IL1RAPL2: variants seen among roughly 807,000 people sequenced by gnomAD.
IL1RAPL2 encodes the protein X-linked interleukin-1 receptor accessory protein-like 2.
IL1RAPL2 carries 3 observed loss-of-function variants against 44.1 expected under a neutral mutation model. The ratio of observed to expected loss-of-function variants is 0.07; its 90% confidence interval spans 0.03 to 0.18. The LOEUF is 0.18. Ranked by LOEUF, IL1RAPL2 falls within the 10% of genes least tolerant of loss-of-function variation. The probability of loss-of-function intolerance (pLI) is 1.00; values close to 1 mark genes in which losing one functional copy is unlikely to be tolerated. For missense variants in IL1RAPL2, 391 were observed against 496.4 expected, an observed-to-expected ratio of 0.79 and a Z score of 2.02; for synonymous variants, 181 against 178.8, an observed-to-expected ratio of 1.01 and a Z score of -0.10.
chrX:105,343,093 G>A (rs1357239255), intron 5 of IL1RAPL2, among the ~76,000 whole-genome samples: 1 of 111,256 alleles, frequency 9.0e-6, no homozygotes, highest in Non-Finnish European at 1.9e-5. Context: ...TCTACACAAG[G>A]TTGGTCAGGT....
At chrX:105,347,623 G>C (rs149689484) in intron 5 of IL1RAPL2, among the ~76,000 whole-genome samples, 1,372 of 109,064 alleles carry the variant, frequency 0.013, 6 homozygotes, top group Non-Finnish European at 0.02. Context: ...ACCTATAGAG[G>C]CTACCTGGGC....
intron 6 of IL1RAPL2, among the ~76,000 whole-genome samples, chrX:105,597,762 G>C (rs939773147): frequency 3.6e-5 from 4 of 111,927 alleles, no homozygotes; most frequent in African/African-American, 9.7e-5. Flanking sequence ...TGAGGACACA[G>C]ATCCAAACCA....
intron 5 of IL1RAPL2, among the ~76,000 whole-genome samples, chrX:105,342,948 C>T (rs2035082677): frequency 9.0e-6 from 1 of 110,999 alleles, no homozygotes; most frequent in African/African-American, 3.3e-5. Context: ...TTTCCAAGGT[C>T]TCATATATCA....
chrX:105,072,175 A>G (rs1240099039), intron 2 of IL1RAPL2, among the ~76,000 whole-genome samples: 3 of 111,335 alleles, frequency 2.7e-5, no homozygotes, highest in Non-Finnish European at 5.7e-5. Context: ...TATAAGTGAC[A>G]GTTCCTCCTA....
At chrX:105,491,195 TTTTTTATTTTTTTA>T (rs2147778767) in intron 6 of IL1RAPL2, among the ~76,000 whole-genome samples, 1 of 111,453 alleles carries the variant, frequency 9.0e-6, no homozygotes, top group South Asian at 3.7e-4. Flanking sequence ...AATTATTGTA[TTTTTTATTTTTTTA>T]TTTTTATTTT....
chrX:105,540,868 T>A (rs757100241), intron 6 of IL1RAPL2, among the ~76,000 whole-genome samples: 20 of 55,106 alleles, frequency 3.6e-4, no homozygotes, highest in African/African-American at 9.6e-4. Flanking sequence ...ATATGATATA[T>A]AATACATACA....
chrX:104,822,170 T>G (rs1395417899), intron 2 of IL1RAPL2, among the ~76,000 whole-genome samples: 1 of 111,772 alleles, frequency 8.9e-6, no homozygotes, highest in Non-Finnish European at 1.9e-5. Context: ...ATGGATAGAT[T>G]GTAAAAATTT....
intron 5 of IL1RAPL2, among the ~76,000 whole-genome samples, chrX:105,319,166 C>T (rs2034877680): frequency 9.0e-6 from 1 of 111,663 alleles, no homozygotes; most frequent in African/African-American, 3.3e-5. Context: ...TCTGTGTTGG[C>T]TATGTTTAGA....
chrX:105,728,762 G>A (rs1307000252), intron 7 of IL1RAPL2, among the ~76,000 whole-genome samples: 1 of 110,955 alleles, frequency 9.0e-6, no homozygotes, highest in Non-Finnish European at 1.9e-5. Context: ...CATTCTTTGT[G>A]TTATACAGTT....
Position 105,748,990 on chromosome X carries a change from G to A in IL1RAPL2, c.1079G>A (p.Gly360Asp). ...ATCTATAAAATTGAGCTTGCAGGGG[G>A]CCTGGGAGCAATCTTCCTCCTCCTT... ...DLIYKIELAGGLGAIFLLLVL... is the reference protein window; with the variant it reads ...DLIYKIELAGDLGAIFLLLVL... Residue 360 changes from glycine (G) to aspartate (D), a missense_variant, in exon 9 of 11, where the codon GGC becomes GAC. By Grantham distance (94) the Gly-to-Asp change is moderately conservative (BLOSUM62 -1). Coordinates refer to ENST00000372582, the MANE Select transcript of IL1RAPL2 (RefSeq NM_017416.2). 1 of 1,208,929 alleles carries A rather than the reference G, an allele frequency of 8.3e-7. No homozygotes were observed. Among genetic ancestry groups the A allele is most frequent in the Non-Finnish European group, 1.1e-6 (1 of 893,449 alleles).
intron 2 of IL1RAPL2, among the ~76,000 whole-genome samples, chrX:104,716,674 C>G (rs1931573181): frequency 9.0e-6 from 1 of 111,094 alleles, no homozygotes; most frequent in African/African-American, 3.3e-5. Context: ...TGAAAAAAAG[C>G]CCAACATCAC....
intron 6 of IL1RAPL2, among the ~76,000 whole-genome samples, chrX:105,518,867 A>G (rs2036534954): frequency 8.9e-6 from 1 of 111,782 alleles, no homozygotes; most frequent in South Asian, 3.7e-4. Flanking sequence ...AATGGGAGAG[A>G]AAGGTTAGTA....
rs372690210 is a variant in IL1RAPL2, at chrX:104,953,885, A to G, written c.83-241590A>G. 2.7e-5 allele frequency among the ~76,000 whole-genome samples: 3 copies of G among 111,410 alleles called. No homozygotes were observed. In the East Asian group the frequency reaches 8.5e-4, roughly 31 times the overall value. Reference sequence around the variant, plus strand: ...AATCCCACTTTCTTTTTCCTTAGCCATTTCTCTTTTTTGCACTTTCTTTGG... The same window carrying G: ...AATCCCACTTTCTTTTTCCTTAGCCGTTTCTCTTTTTTGCACTTTCTTTGG... On this transcript the variant is annotated intron_variant, in intron 2 of 10. Transcript: ENST00000372582.
intron 6 of IL1RAPL2, among the ~76,000 whole-genome samples, chrX:105,487,463 G>A (rs1209296309): frequency 8.9e-6 from 1 of 111,868 alleles, no homozygotes; most frequent in Non-Finnish European, 1.9e-5. Context: ...AACTTTTCGG[G>A]TTTTAGTTTG....
intron 3 of IL1RAPL2, among the ~76,000 whole-genome samples, chrX:105,203,681 T>C (rs992846210): frequency 8.9e-6 from 1 of 111,878 alleles, no homozygotes; most frequent in Admixed American, 9.5e-5. Flanking sequence ...CATGCCAGTT[T>C]TCAGTTCTCC....
At chrX:104,874,279 C>CCTCTCCCTCTCTCTCTCTCTCTCTCTCT (rs747491911) in intron 2 of IL1RAPL2, among the ~76,000 whole-genome samples, 26 of 76,319 alleles carry the variant, frequency 3.4e-4, no homozygotes, top group Admixed American at 1.5e-4. Context: ...TGTCTGTATT[C>CCTCTCCCTCTCTCTCTCTCTCTCTCTCT]CTCTCTCTCT....
At chrX:105,307,269 A>C (rs2034746378) in intron 5 of IL1RAPL2, among the ~76,000 whole-genome samples, 1 of 98,363 alleles carries the variant, frequency 1.0e-5, no homozygotes, top group Non-Finnish European at 2.0e-5. Flanking sequence ...TCTCCCAAAA[A>C]AAAAATTTTT....
At chrX:105,603,786 A>C (rs1007788491) in intron 6 of IL1RAPL2, among the ~76,000 whole-genome samples, 1 of 111,877 alleles carries the variant, frequency 8.9e-6, no homozygotes, top group Non-Finnish European at 1.9e-5. Flanking sequence ...CCACAATACA[A>C]ATTTTTTAAA....
chrX:105,388,148 C>CAAAAAAAA (rs760730401), intron 5 of IL1RAPL2, among the ~76,000 whole-genome samples: 4 of 5,380 alleles, frequency 7.4e-4, no homozygotes, highest in African/African-American at 6.6e-4. Flanking sequence ...AACTCCATCT[C>CAAAAAAAA]AAAAAAAAAA....
Sources: allele counts gnomAD v4.1 joint callset (sites outside exome capture counted in the v4.1 genomes callset), GRCh38; gene constraint gnomAD v4.1.1; transcripts MANE v1.5; gene names NCBI Gene and HGNC (gene_info 2026-07-23, HGNC 2026-07-21).